Variants in CADM2 observed in about 807,000 individuals in gnomAD.
The protein encoded by CADM2 is immunoglobulin superfamily member 4D.
A neutral mutation model predicts 49.8 loss-of-function variants in CADM2; 12 were observed. The ratio of observed to expected loss-of-function variants is 0.24; its 90% CI spans 0.15 to 0.39. CADM2 has a LOEUF of 0.39. CADM2 is among the 10% of genes least tolerant of loss of function. The probability of loss-of-function intolerance (pLI) is 1.00; values close to 1 mark genes in which losing one functional copy is unlikely to be tolerated. For synonymous variants in CADM2, 214 were observed against 175.4 expected, an observed-to-expected ratio of 1.22 and a Z score of -1.74; for missense variants, 378 against 492.3, an observed-to-expected ratio of 0.77 and a Z score of 2.20.
rs865889994 is a variant in CADM2 at position 85,441,236 on chromosome 3, T to C, written c.62-285286T>C. Reference sequence around the variant, plus strand: ...TTTTAATATTATGTTATTGACAAAATGAATATTATTAGAAACAATCTAATT... The same window carrying C: ...TTTTAATATTATGTTATTGACAAAACGAATATTATTAGAAACAATCTAATT... On this transcript the variant is annotated intron_variant, in intron 1 of 9. Coordinates refer to ENST00000383699, the MANE Select transcript of CADM2 (RefSeq NM_001167675.2). Among the ~76,000 whole-genome samples the C allele has an allele frequency of 3.7e-4, 56 of 152,072 alleles. 3 individuals carry two copies. The Middle Eastern group carries it at 0.017, about 46-fold the overall frequency.
chr3:85,157,458 C>T (rs2040166096), intron 1 of CADM2, among the ~76,000 whole-genome samples: 1 of 152,012 alleles, frequency 6.6e-6, no homozygotes, highest in South Asian at 2.1e-4. Flanking sequence ...GCCTAGAGTA[C>T]CCAAAACAGC....
At chr3:85,547,975 C>T (rs1207295023) in intron 1 of CADM2, among the ~76,000 whole-genome samples, 5 of 151,982 alleles carry the variant, frequency 3.3e-5, no homozygotes, top group Non-Finnish European at 5.9e-5. Context: ...AACTGCTACA[C>T]AATATGGAAG....
At chr3:85,658,997 A>G (rs1258072942) in intron 1 of CADM2, among the ~76,000 whole-genome samples, 1 of 151,024 alleles carries the variant, frequency 6.6e-6, no homozygotes, top group African/African-American at 2.4e-5. Context: ...GGCTTCAGTG[A>G]ACTATAAATG....
chr3:85,812,418 G>A (rs2072937575), intron 3 of CADM2, among the ~76,000 whole-genome samples: 2 of 152,082 alleles, frequency 1.3e-5, no homozygotes, highest in African/African-American at 2.4e-5. Flanking sequence ...CTGCACCGGG[G>A]CCTAATTTCT....
chr3:86,054,152 TA>T (rs201997139), intron 8 of CADM2, among the ~76,000 whole-genome samples: 26 of 151,756 alleles, frequency 1.7e-4, no homozygotes, highest in African/African-American at 5.6e-4. Context: ...TTTTAATATT[TA>T]AAAAAAAGCA....
intron 1 of CADM2, among the ~76,000 whole-genome samples, chr3:85,205,319 G>A (rs1220355169): frequency 1.3e-5 from 2 of 152,006 alleles, no homozygotes; most frequent in South Asian, 2.1e-4. Flanking sequence ...CAACCTACCA[G>A]GCTTGAAAAC....
chr3:85,790,855 T>A (rs2071280681), intron 2 of CADM2, among the ~76,000 whole-genome samples: 1 of 152,154 alleles, frequency 6.6e-6, no homozygotes, highest in Non-Finnish European at 1.5e-5. Flanking sequence ...GTACTTCCTG[T>A]CTCTGTGGAA....
At chr3:85,924,695 T>A (rs1369131983) in intron 6 of CADM2, among the ~76,000 whole-genome samples, 1 of 152,212 alleles carries the variant, frequency 6.6e-6, no homozygotes, top group Non-Finnish European at 1.5e-5. Context: ...TTGCTTCCCT[T>A]TAAGGTCTTC....
chr3:85,504,897 C>T (rs918607382), intron 1 of CADM2, among the ~76,000 whole-genome samples: 22 of 152,168 alleles, frequency 1.4e-4, no homozygotes, highest in Non-Finnish European at 1.9e-4. Context: ...ACCCAGTACA[C>T]CCTCCGCAGC....
chr3:85,680,937 G>C (rs1353757276), intron 1 of CADM2, among the ~76,000 whole-genome samples: 1 of 152,062 alleles, frequency 6.6e-6, no homozygotes, highest in East Asian at 1.9e-4. Flanking sequence ...TTGGGGTTTG[G>C]AGTCATGAAA....
chr3:85,027,092 G>T (rs370497440), intron 1 of CADM2, among the ~76,000 whole-genome samples: 5,281 of 66,122 alleles, frequency 0.08, 141 homozygotes, highest in African/African-American at 0.15. Context: ...TGTGGTTGTT[G>T]TTGCTTTTTC....
At chr3:85,837,565 T>C (rs772913240) in intron 3 of CADM2, among the ~76,000 whole-genome samples, 4 of 151,620 alleles carry the variant, frequency 2.6e-5, no homozygotes, top group Admixed American at 6.6e-5. Context: ...ATTGTGTCAG[T>C]TATGTCTCGT....
intron 7 of CADM2, among the ~76,000 whole-genome samples, chr3:85,953,804 T>C (rs1723732431): frequency 6.6e-6 from 1 of 150,774 alleles, no homozygotes; most frequent in South Asian, 2.1e-4. Context: ...CAAGTACCTA[T>C]TAAAGAATAT....
intron 1 of CADM2, among the ~76,000 whole-genome samples, chr3:85,134,305 T>TGCAGCGGCGGG (rs2039346557): frequency 6.8e-6 from 1 of 146,608 alleles, no homozygotes; most frequent in Admixed American, 6.8e-5. Context: ...AGAAAGGGGC[T>TGCAGCGGCGGG]CCCACAGTGC....
chr3:85,105,283 A>G (rs555016033), intron 1 of CADM2, among the ~76,000 whole-genome samples: 5 of 152,206 alleles, frequency 3.3e-5, no homozygotes, highest in Non-Finnish European at 7.3e-5. Context: ...AAAGTGGGCA[A>G]AGGACATGAA....
intron 8 of CADM2, among the ~76,000 whole-genome samples, chr3:86,034,874 G>A (rs1215505917): frequency 2.6e-5 from 4 of 151,776 alleles, no homozygotes; most frequent in Non-Finnish European, 2.9e-5. Context: ...CTTAATGTTT[G>A]TTCTTTAATA....
chr3:85,515,779 A>G (rs921685237), intron 1 of CADM2, among the ~76,000 whole-genome samples: 1 of 151,682 alleles, frequency 6.6e-6, no homozygotes, highest in Non-Finnish European at 1.5e-5. Flanking sequence ...GCTTGGCCCT[A>G]AGTGTTTCTT....
At chr3:85,036,846 G>C in intron 1 of CADM2, among the ~76,000 whole-genome samples, 1 of 151,764 alleles carries the variant, frequency 6.6e-6, no homozygotes, top group South Asian at 2.1e-4. Flanking sequence ...CTACATTATG[G>C]GATTGCTATT....
chr3:85,568,723 C>T (rs912424007), intron 1 of CADM2, among the ~76,000 whole-genome samples: 2 of 150,704 alleles, frequency 1.3e-5, no homozygotes, highest in African/African-American at 2.5e-5. Flanking sequence ...CTGCCTCAGC[C>T]TCCCGAGTAG....
Sources: allele counts gnomAD v4.1 joint callset (sites outside exome capture counted in the v4.1 genomes callset), GRCh38; gene constraint gnomAD v4.1.1; transcripts MANE v1.5; gene names NCBI Gene and HGNC (gene_info 2026-07-23, HGNC 2026-07-21).